The following GRIK2 variants were observed in gnomAD, a reference collection of about 807,000 sequenced individuals.
GRIK2 encodes the protein glutamate receptor ionotropic, kainate 2.
GRIK2 carries 32 observed loss-of-function variants against 100.3 expected under a neutral mutation model. That is an observed-to-expected ratio of 0.32 (90% CI 0.24 to 0.43). The LOEUF is 0.43. Ranked by LOEUF, GRIK2 falls within the 20% of genes least tolerant of loss-of-function variation. The pLI is 1.00. For missense variants in GRIK2, 843 were observed against 1,114.9 expected (o/e 0.76, Z 3.47); for synonymous variants, 417 against 389.4 (o/e 1.07, Z -0.83).
chr6:101,526,722 G>C (rs191503470), intron 2 of GRIK2, among the ~76,000 whole-genome samples: 3 of 152,294 alleles, frequency 2.0e-5, no homozygotes, highest in African/African-American at 7.2e-5. Context: ...GGAAGCTACA[G>C]GTTGTAGTTC....
intron 2 of GRIK2, among the ~76,000 whole-genome samples, chr6:101,453,634 T>C (rs1770836188): frequency 6.6e-6 from 1 of 151,966 alleles, no homozygotes; most frequent in Non-Finnish European, 1.5e-5. Context: ...TAGTGATACA[T>C]TTAAATTCTT....
intron 14 of GRIK2, among the ~76,000 whole-genome samples, chr6:101,946,055 A>ATT (rs765315860): frequency 1.2e-4 from 18 of 151,828 alleles, no homozygotes; most frequent in Non-Finnish European, 1.8e-4. Flanking sequence ...AGGATAAACC[A>ATT]TTTTACATAC....
At chr6:101,609,038 G>A (rs577742002) in intron 2 of GRIK2, among the ~76,000 whole-genome samples, 28 of 151,736 alleles carry the variant, frequency 1.8e-4, no homozygotes, top group African/African-American at 6.5e-4. Context: ...GGTTTTTAAA[G>A]CTTTCCTCAG....
At chr6:101,561,809 A>G (rs1777031345) in intron 2 of GRIK2, among the ~76,000 whole-genome samples, 1 of 152,184 alleles carries the variant, frequency 6.6e-6, no homozygotes. Context: ...AGACAAAAAT[A>G]TTTTGGACAA....
Position 101,463,632 on chromosome 6 carries a change from A to G in GRIK2, c.115+64240A>G, listed in dbSNP as rs1771460467. On this transcript the variant is annotated intron_variant, in intron 2 of 16. Coordinates refer to ENST00000369134, the MANE Select transcript of GRIK2 (RefSeq NM_021956.5). ...ATTTAAAATGCCATAATTCTTTCTC[A>G]GTAAACCACTTTATGTACACCTGTT... 1.3e-5 allele frequency among the ~76,000 whole-genome samples: 2 copies of G among 152,170 alleles called. 1 individual carries two copies. The highest frequency in any genetic ancestry group is 4.1e-4 in the South Asian group (2 of 4,838).
intron 4 of GRIK2, among the ~76,000 whole-genome samples, chr6:101,656,334 A>G (rs1769174171): frequency 6.6e-6 from 1 of 151,928 alleles, no homozygotes; most frequent in Admixed American, 6.6e-5. Context: ...GAAATGATAA[A>G]TGACAATAAG....
intron 9 of GRIK2, among the ~76,000 whole-genome samples, chr6:101,804,733 G>A (rs1780880372): frequency 6.6e-6 from 1 of 151,818 alleles, no homozygotes; most frequent in Admixed American, 6.6e-5. Context: ...GATGGGTGGA[G>A]GTAAGTTAAA....
At chr6:101,827,330 G>C (rs575529666) in intron 10 of GRIK2, among the ~76,000 whole-genome samples, 6 of 152,012 alleles carry the variant, frequency 3.9e-5, no homozygotes, top group African/African-American at 1.4e-4. Flanking sequence ...AATTTTTCTA[G>C]ATTGCCTCAG....
At chr6:101,719,521 G>A (rs1225189558) in intron 7 of GRIK2, among the ~76,000 whole-genome samples, 1 of 151,900 alleles carries the variant, frequency 6.6e-6, no homozygotes, top group Non-Finnish European at 1.5e-5. Flanking sequence ...CCATCAAATA[G>A]GCTCAGATAA....
intron 12 of GRIK2, among the ~76,000 whole-genome samples, chr6:101,922,374 TAC>T (rs1325112591): frequency 1.1e-4 from 16 of 152,070 alleles, no homozygotes; most frequent in African/African-American, 3.9e-4. Context: ...TCAAACAAAT[TAC>T]ACAGTCTCAC....
intron 2 of GRIK2, among the ~76,000 whole-genome samples, chr6:101,568,233 G>C (rs138529555): frequency 1.3e-5 from 2 of 151,648 alleles, no homozygotes; most frequent in African/African-American, 4.8e-5. Context: ...TGTACTATAA[G>C]GCATGTTTCT....
Position 101,399,991 on chromosome 6 carries a change from G to T in GRIK2, c.115+599G>T, listed in dbSNP as rs558647718. On this transcript the variant is annotated intron_variant, in intron 2 of 16. Coordinates refer to ENST00000369134, the MANE Select transcript of GRIK2 (RefSeq NM_021956.5). ...TTTAAAAAATGTTCTAAGATTCGAG[G>T]TTCTACTTAACACAGGGAGGCTGCT... 6.6e-5 allele frequency among the ~76,000 whole-genome samples: 10 copies of T among 152,290 alleles called. No individual in the cohort carries two copies. The South Asian group carries it at 1.2e-3, about 19-fold the overall frequency.
At chr6:101,992,834 A>G (rs557989749) in intron 14 of GRIK2, among the ~76,000 whole-genome samples, 1 of 151,708 alleles carries the variant, frequency 6.6e-6, no homozygotes, top group South Asian at 2.1e-4. Flanking sequence ...TTTATTGAAG[A>G]ATTTCACTAC....
At chr6:101,989,895 T>A (rs2128491896) in intron 14 of GRIK2, among the ~76,000 whole-genome samples, 1 of 151,666 alleles carries the variant, frequency 6.6e-6, no homozygotes, top group Admixed American at 6.6e-5. Context: ...ATCAAATTAA[T>A]TTTTAAAAGC....
At chr6:101,711,764 A>G (rs1773710091) in intron 7 of GRIK2, among the ~76,000 whole-genome samples, 2 of 151,874 alleles carry the variant, frequency 1.3e-5, no homozygotes, top group South Asian at 4.1e-4. Flanking sequence ...AACTGAAAGT[A>G]TCATAACTAA....
At chr6:101,636,154 G>A (rs957082802) in intron 4 of GRIK2, among the ~76,000 whole-genome samples, 1 of 152,104 alleles carries the variant, frequency 6.6e-6, no homozygotes, top group African/African-American at 2.4e-5. Context: ...ATAAACTATG[G>A]AATGCTATGC....
chr6:101,967,902 AAAC>A (rs1792790195), intron 14 of GRIK2, among the ~76,000 whole-genome samples: 1 of 152,040 alleles, frequency 6.6e-6, no homozygotes, highest in African/African-American at 2.4e-5. Context: ...ATAAAAATCA[AAAC>A]AACAACAAAC....
At chr6:101,938,648 A>C (rs1365627179) in intron 14 of GRIK2, among the ~76,000 whole-genome samples, 2 of 152,084 alleles carry the variant, frequency 1.3e-5, no homozygotes, top group Non-Finnish European at 2.9e-5. Context: ...GTATTCAGAG[A>C]AGTACTTTAA....
chr6:101,966,476 G>A (rs1343013226), intron 14 of GRIK2, among the ~76,000 whole-genome samples: 2 of 152,036 alleles, frequency 1.3e-5, no homozygotes, highest in Admixed American at 6.6e-5. Context: ...AAGAAAATAA[G>A]CATATTACTA....
Sources: gnomAD v4.1 joint callset for allele counts (sites outside exome capture counted in the v4.1 genomes callset) on GRCh38, gnomAD v4.1.1 for gene constraint, MANE v1.5 for transcripts, NCBI Gene and HGNC (gene_info 2026-07-23, HGNC 2026-07-21) for gene names.